Variants in CEP350 observed in about 807,000 individuals in gnomAD.
CEP350 encodes centrosomal protein 350.
Under a neutral mutation model 331.8 loss-of-function variants are expected in CEP350, and 126 were observed. That is an observed-to-expected ratio of 0.38 (90% CI 0.33 to 0.44). The LOEUF (loss-of-function observed/expected upper bound fraction) is 0.44. Ranked by LOEUF, CEP350 falls within the 20% of genes least tolerant of loss-of-function variation. The pLI is 1.00. For synonymous variants in CEP350, 1,200 were observed against 1,259.5 expected (o/e 0.95, Z 1.00); for missense variants, 3,406 against 3,634.6 (o/e 0.94, Z 1.62).
intron 36 of CEP350, 148 bp downstream of exon 36, chr1:180,096,332 G>A: frequency 4.9e-6 from 4 of 812,788 alleles, no homozygotes; most frequent in Non-Finnish European, 7.0e-6. Context: ...ATAAAGATTT[G>A]TTGACTTACT....
At chr1:180,077,528 A>G (rs1659300985) in intron 28 of CEP350, among the ~76,000 whole-genome samples, 1 of 151,882 alleles carries the variant, frequency 6.6e-6, no homozygotes, top group East Asian at 1.9e-4. Context: ...TTAGCCGGGC[A>G]TGGTGGCGCA....
intron 37 of CEP350, among the ~76,000 whole-genome samples, chr1:180,110,235 A>G (rs978700028): frequency 5.3e-5 from 8 of 152,218 alleles, no homozygotes; most frequent in African/African-American, 1.9e-4. Flanking sequence ...TTGTAAATCC[A>G]TATACAGATG....
chr1:179,973,167 G>A (rs186326558), intron 1 of CEP350, among the ~76,000 whole-genome samples: 14 of 152,244 alleles, frequency 9.2e-5, no homozygotes, highest in Admixed American at 3.3e-4. Flanking sequence ...TCTCCCGGCC[G>A]CAATAGGTAC....
chr1:180,029,304 C>T (rs532556351), intron 14 of CEP350, among the ~76,000 whole-genome samples: 13 of 151,972 alleles, frequency 8.6e-5, no homozygotes, highest in African/African-American at 2.9e-4. Flanking sequence ...TGTTTAAAGT[C>T]AAGAAAAAAT....
At position 180,054,591 on chromosome 1, in the gene CEP350, C is replaced by T; in HGVS notation, c.5262+89C>T. 3 of 906,400 alleles carry T rather than the reference C, an allele frequency of 3.3e-6. No individual in the cohort carries two copies. The Admixed American group carries it at 6.2e-5, about 19-fold the overall frequency. The allele number at this position is 906,400 out of a possible 1,614,324, so 56.1% of individuals were successfully genotyped here. A position where few individuals can be genotyped will look rare whatever the true frequency, so the allele number is the denominator to read the frequency against. ...ATTTTGCCTGATTTCTTTTCCTTAT[C>T]ATTGCCTTAAATGAGATTTAGTTGA... On this transcript the variant is annotated intron_variant, in intron 25 of 37. Coordinates refer to ENST00000367607, the MANE Select transcript of CEP350 (RefSeq NM_014810.5).
chr1:180,014,060 A>G lies in CEP350; in HGVS notation c.1607A>G (p.Gln536Arg). Residue 536 changes from glutamine (Q) to arginine (R), a missense_variant, in exon 10 of 38, where the codon CAG (glutamine) becomes CGG (arginine). Gln to Arg is a conservative substitution (Grantham distance 43). Around this residue, in one of 5 missense-constraint regions of CEP350, gnomAD observed 1,857 missense variants for 1,909.2 expected, o/e 0.97. Transcript: ENST00000367607. ...ATTCGTGGCATTCTTGATGACCTAC[A>G]GCTGGATTCTACAGCTCACACTGCA... ...IEIRGILDDL[Q>R]LDSTAHTAKQ... 1 of 1,612,342 alleles carries G rather than the reference A, an allele frequency of 6.2e-7. No individual in the cohort carries two copies. The highest frequency in any genetic ancestry group is 8.5e-7 in the Non-Finnish European group (1 of 1,179,030).
intron 27 of CEP350, among the ~76,000 whole-genome samples, chr1:180,070,285 A>T (rs1297438483): frequency 6.6e-6 from 1 of 152,196 alleles, no homozygotes; most frequent in Non-Finnish European, 1.5e-5. Flanking sequence ...TTTTAGACCT[A>T]GGAGTTCCAC....
intron 1 of CEP350, among the ~76,000 whole-genome samples, chr1:179,973,637 C>T (rs1651623856): frequency 6.6e-6 from 1 of 152,158 alleles, no homozygotes; most frequent in African/African-American, 2.4e-5. Flanking sequence ...CCCATTATTT[C>T]CATGACATCA....
At chr1:179,984,694 A>G (rs754987189) in intron 1 of CEP350, among the ~76,000 whole-genome samples, 4 of 152,208 alleles carry the variant, frequency 2.6e-5, no homozygotes, top group African/African-American at 9.6e-5. Context: ...GAAATTTTGG[A>G]TATATTTTAA....
intron 37 of CEP350, among the ~76,000 whole-genome samples, chr1:180,100,575 C>A (rs181031596): frequency 1.3e-5 from 2 of 152,282 alleles, no homozygotes; most frequent in East Asian, 3.9e-4. Flanking sequence ...CAGACACAGA[C>A]CCCACCTTCA....
At position 179,992,074 on chromosome 1, in the gene CEP350, TG is replaced by T; in HGVS notation, c.250del (p.Asp84MetfsTer33). On this transcript the variant is annotated frameshift_variant, in exon 5 of 38. Coordinates refer to ENST00000367607, the MANE Select transcript of CEP350 (RefSeq NM_014810.5). LOFTEE classifies it high-confidence loss of function. ...CCTTTTCCTTCAGATGGTAGATACC[TG>T]GATGATTCTTGGGTTAATGCTCCAA... The part of the protein sequence containing the change: ...RKISRKDGRY[L>X]DDSWVNAPIS... 6.5e-7 allele frequency: 1 copy of T among 1,541,464 alleles called. No homozygotes were observed. The highest frequency in any genetic ancestry group is 8.7e-7 in the Non-Finnish European group (1 of 1,147,822).
chr1:180,044,373 C>T (rs1169439485), intron 21 of CEP350, among the ~76,000 whole-genome samples, 200 bp downstream of exon 21: 1 of 152,094 alleles, frequency 6.6e-6, no homozygotes, highest in African/African-American at 2.4e-5. Flanking sequence ...TGAGAACCTA[C>T]ATTGTACAAG....
intron 6 of CEP350, chr1:180,000,288 G>C (rs1251920615): frequency 6.6e-6 from 1 of 151,744 alleles, no homozygotes; most frequent in Non-Finnish European, 1.5e-5. Context: ...ATTAGGTGAT[G>C]GTGAAAAGTT....
chr1:179,973,354 G>C (rs1273139680), intron 1 of CEP350, among the ~76,000 whole-genome samples: 3 of 152,210 alleles, frequency 2.0e-5, no homozygotes, highest in African/African-American at 7.2e-5. Context: ...TGCATGGGTA[G>C]CTGAGAGAAA....
At chr1:179,990,143 G>A (rs1396963882) in intron 3 of CEP350, among the ~76,000 whole-genome samples, 2 of 151,410 alleles carry the variant, frequency 1.3e-5, no homozygotes, top group South Asian at 2.1e-4. Context: ...CTGAGATCAC[G>A]CCACTGCACT....
chr1:179,992,091 A>T lies in CEP350; in HGVS notation c.265A>T (p.Asn89Tyr). 6.4e-7 allele frequency: 1 copy of T among 1,555,104 alleles called. No homozygotes were observed. Among genetic ancestry groups the T allele is most frequent in the Non-Finnish European group, 8.7e-7 (1 of 1,152,540 alleles). The change falls in exon 5 of 38, where the codon AAT becomes TAT. Residue 89 changes from asparagine (N) to tyrosine (Y), a missense_variant. Asn to Tyr is a moderately radical substitution (Grantham distance 143, BLOSUM62 -2). Coordinates refer to ENST00000367607, the MANE Select transcript of CEP350 (RefSeq NM_014810.5). The stretch of plus-strand genomic sequence containing the variant: ...TAGATACCTGGATGATTCTTGGGTT[A>T]ATGCTCCAATCTCCAAATCCACTAA... The part of the protein sequence containing the change: ...DGRYLDDSWV[N>Y]APISKSTKSR...
rs79723010 is a variant in CEP350 at position 180,065,425 on chromosome 1, C to T, written c.5567+153C>T. On this transcript the variant is annotated intron_variant, in intron 27 of 37. Coordinates refer to ENST00000367607, the MANE Select transcript of CEP350 (RefSeq NM_014810.5). ...AGAATTGTTAGATTAACCTAGAAGC[C>T]AATTAACTGTAGATCTTATTTATAA... Among the ~76,000 whole-genome samples, 701 of 152,042 alleles carry T rather than the reference C, an allele frequency of 4.6e-3. 4 individuals carry two copies. Among genetic ancestry groups the T allele is most frequent in the Middle Eastern group, 0.017 (5 of 294 alleles).
chr1:179,974,457 T>G (rs2148613546), intron 1 of CEP350, among the ~76,000 whole-genome samples: 1 of 152,224 alleles, frequency 6.6e-6, no homozygotes, highest in African/African-American at 2.4e-5. Flanking sequence ...AAGGTTCTGT[T>G]GATCTCTAGA....
intron 32 of CEP350, among the ~76,000 whole-genome samples, chr1:180,088,924 A>G (rs1660014060): frequency 6.6e-6 from 1 of 152,150 alleles, no homozygotes; most frequent in Admixed American, 6.5e-5. Context: ...ATCATACCCA[A>G]CTATCCCACA....
Sources: gnomAD v4.1 joint callset for allele counts (sites outside exome capture counted in the v4.1 genomes callset) on GRCh38, gnomAD v4.1.1 for gene constraint, gnomAD v4.1.1 regional missense constraint, MANE v1.5 for transcripts, NCBI Gene and HGNC (gene_info 2026-07-23, HGNC 2026-07-21) for gene names.